ROBO2: variants seen among roughly 807,000 people sequenced by gnomAD.
ROBO2 encodes the protein roundabout guidance receptor 2.
In ROBO2, 53 loss-of-function variants were observed where a neutral mutation model predicts 160.8. That is an observed-to-expected ratio of 0.33 (90% CI 0.26 to 0.41). The LOEUF is 0.41. ROBO2 is among the 10% of genes least tolerant of loss of function. The pLI, the probability that ROBO2 is intolerant of heterozygous loss-of-function variation, is 1.00. For missense variants in ROBO2, 1,577 were observed against 1,722.4 expected, an observed-to-expected ratio of 0.92 and a Z score of 1.49; for synonymous variants, 664 against 611.7, an observed-to-expected ratio of 1.09 and a Z score of -1.26.
chr3:77,373,111 A>C (rs1337333667), intron 2 of ROBO2, among the ~76,000 whole-genome samples: 1 of 147,170 alleles, frequency 6.8e-6, no homozygotes, highest in Non-Finnish European at 1.5e-5. Flanking sequence ...AATATTTTAA[A>C]ATTATTATAA....
chr3:76,447,605 C>A (rs143892842), intron 2 of ROBO2, among the ~76,000 whole-genome samples: 4,006 of 149,580 alleles, frequency 0.027, 155 homozygotes, highest in African/African-American at 0.084. Context: ...ATGTATATTG[C>A]GGCACTATTC....
chr3:76,885,334 T>C (rs1249477890), intron 2 of ROBO2, among the ~76,000 whole-genome samples: 2 of 152,176 alleles, frequency 1.3e-5, no homozygotes, highest in Non-Finnish European at 2.9e-5. Context: ...AAGCTTTGAA[T>C]ATGTGTGCAA....
At chr3:76,806,289 T>C (rs1312764378) in intron 2 of ROBO2, among the ~76,000 whole-genome samples, 2 of 151,492 alleles carry the variant, frequency 1.3e-5, no homozygotes, top group Non-Finnish European at 3.0e-5. Context: ...ATTTTTCTCT[T>C]TTTGAAATTC....
chr3:77,197,064 C>T (rs1335258500), intron 2 of ROBO2, among the ~76,000 whole-genome samples: 2 of 151,946 alleles, frequency 1.3e-5, no homozygotes, highest in African/African-American at 4.8e-5. Flanking sequence ...TCCTAATGTT[C>T]TACACAGGAA....
rs751310994 is a variant in ROBO2, at chr3:76,796,418, G to C, written c.110-301596G>C. Among the ~76,000 whole-genome samples, 9 of 132,822 alleles carry C rather than the reference G, an allele frequency of 6.8e-5. No individual in the cohort carries two copies. The South Asian group carries it at 1.0e-3, about 15-fold the overall frequency. 87.1% of individuals were successfully genotyped at this position (132,822 alleles called of 152,430 possible). ...CAGAGAAAATCACTTTCACAGGAAG[G>C]AAAAAAAAAAGAAGGAAGAAAAGAA... is the stretch of plus-strand genomic sequence containing the variant. On this transcript the variant is annotated intron_variant, in intron 2 of 26. Coordinates refer to the ROBO2 transcript ENST00000487694.
chr3:76,094,096 C>T (rs778422942), intron 2 of ROBO2, among the ~76,000 whole-genome samples: 12 of 152,024 alleles, frequency 7.9e-5, no homozygotes, highest in Non-Finnish European at 1.8e-4. Flanking sequence ...GGGGAATGTG[C>T]TGGAAAGTGT....
At chr3:76,497,934 T>G (rs1417781916) in intron 2 of ROBO2, among the ~76,000 whole-genome samples, 1 of 152,232 alleles carries the variant, frequency 6.6e-6, no homozygotes, top group Non-Finnish European at 1.5e-5. Flanking sequence ...TTCCAGCCTC[T>G]GCAATCACAT....
intron 2 of ROBO2, among the ~76,000 whole-genome samples, chr3:76,029,639 A>T (rs1481001106): frequency 1.3e-5 from 2 of 152,092 alleles, no homozygotes; most frequent in Non-Finnish European, 2.9e-5. Context: ...TCTTTGTGAC[A>T]GTTTGCTCAG....
At chr3:76,285,045 C>A (rs534320623) in intron 2 of ROBO2, among the ~76,000 whole-genome samples, 1 of 152,178 alleles carries the variant, frequency 6.6e-6, no homozygotes, top group South Asian at 2.1e-4. Context: ...TATTTGAGTT[C>A]GGAGGCAAGT....
At chr3:77,109,126 C>T (rs942042653) in intron 2 of ROBO2, among the ~76,000 whole-genome samples, 1 of 152,062 alleles carries the variant, frequency 6.6e-6, no homozygotes, top group African/African-American at 2.4e-5. Context: ...ATTTAAAAAA[C>T]GCATCTGTAG....
chr3:76,430,711 G>T (rs547088549), intron 2 of ROBO2, among the ~76,000 whole-genome samples: 30 of 151,966 alleles, frequency 2.0e-4, no homozygotes, highest in Non-Finnish European at 4.1e-4. Context: ...TGTAAAAACA[G>T]TAATCATAAT....
chr3:76,353,138 G>A (rs778172449), intron 2 of ROBO2, among the ~76,000 whole-genome samples: 27 of 152,102 alleles, frequency 1.8e-4, no homozygotes, highest in African/African-American at 6.5e-4. Context: ...AAATGCAATG[G>A]AAAGATGAAA....
At chr3:76,215,338 A>G (rs1575917068) in intron 2 of ROBO2, among the ~76,000 whole-genome samples, 2 of 152,190 alleles carry the variant, frequency 1.3e-5, no homozygotes, top group East Asian at 3.9e-4. Flanking sequence ...TGAGAGAGGA[A>G]GGCTTCAGAA....
At chr3:76,675,521 A>G (rs1019573152) in intron 2 of ROBO2, among the ~76,000 whole-genome samples, 2 of 152,168 alleles carry the variant, frequency 1.3e-5, no homozygotes, top group African/African-American at 2.4e-5. Context: ...AATGCTTTGA[A>G]GTCCAGATCT....
At chr3:76,228,131 G>T (rs1704403620) in intron 2 of ROBO2, among the ~76,000 whole-genome samples, 1 of 152,072 alleles carries the variant, frequency 6.6e-6, no homozygotes, top group South Asian at 2.1e-4. Flanking sequence ...AAAATATCAG[G>T]TGATTATTTT....
intron 2 of ROBO2, among the ~76,000 whole-genome samples, chr3:76,112,295 G>A (rs909247908): frequency 1.3e-5 from 2 of 151,820 alleles, no homozygotes; most frequent in Admixed American, 6.6e-5. Context: ...TAGGAGTTTG[G>A]CAAAACATAG....
intron 1 of ROBO2, among the ~76,000 whole-genome samples, chr3:77,071,349 G>A (rs189652857): frequency 1.3e-5 from 2 of 152,240 alleles, no homozygotes; most frequent in Non-Finnish European, 2.9e-5. Flanking sequence ...GTCTAAAATA[G>A]CATTAAATTA....
At chr3:77,168,393 T>C (rs1024751374) in intron 2 of ROBO2, among the ~76,000 whole-genome samples, 2 of 152,202 alleles carry the variant, frequency 1.3e-5, no homozygotes, top group African/African-American at 2.4e-5. Flanking sequence ...CCTCCATTGG[T>C]AGTATTTGCC....
chr3:76,667,205 C>T (rs1241000779), intron 2 of ROBO2, among the ~76,000 whole-genome samples: 1 of 152,108 alleles, frequency 6.6e-6, no homozygotes, highest in Non-Finnish European at 1.5e-5. Context: ...ATAGCTCTAC[C>T]TCAAAGAGAC....
Sources: gnomAD v4.1 joint callset for allele counts (sites outside exome capture counted in the v4.1 genomes callset) on GRCh38, gnomAD v4.1.1 for gene constraint, MANE v1.5 for transcripts, NCBI Gene and HGNC (gene_info 2026-07-23, HGNC 2026-07-21) for gene names.